The following GATAD1 variants were observed in gnomAD, a reference collection of about 807,000 sequenced individuals.
The protein encoded by GATAD1 is GATA zinc finger domain-containing protein 1.
A neutral mutation model predicts 26.5 loss-of-function variants in GATAD1; 12 were observed. That is an observed-to-expected ratio of 0.45 (90% CI 0.29 to 0.73). The LOEUF is 0.73. Ranked by LOEUF, GATAD1 falls within the 30% of genes least tolerant of loss-of-function variation. GATAD1 has a pLI of 0.10. For missense variants in GATAD1, 266 were observed against 342.1 expected (o/e 0.78, Z 1.75); for synonymous variants, 129 against 133.1 (o/e 0.97, Z 0.21).
In GATAD1 at chr7:92,457,134, G is replaced by A. The variant is rs1341851490; in HGVS notation, c.*572G>A. ...AGATTGCACCGCTGTGCTCCAGCCT[G>A]GGCAACAGAGTGAGACTCTTGTCTC... is the stretch of plus-strand genomic sequence containing the variant. On this transcript the variant is annotated 3_prime_UTR_variant, in exon 5 of 5. Coordinates refer to ENST00000287957, the MANE Select transcript of GATAD1 (RefSeq NM_021167.5). 6.7e-6 allele frequency: 1 copy of A among 149,570 alleles called. No individual in the cohort carries two copies. Among genetic ancestry groups the A allele is most frequent in the African/African-American group, 2.5e-5 (1 of 40,336 alleles). 9.3% of individuals were successfully genotyped at this position (149,570 alleles called of 1,614,324 possible).
intron 3 of GATAD1, among the ~76,000 whole-genome samples, chr7:92,452,950 CTATT>C (rs1789502644): frequency 6.6e-6 from 1 of 152,176 alleles, no homozygotes; most frequent in Non-Finnish European, 1.5e-5. Context: ...TAAATGCAAA[CTATT>C]TATATGATAA....
chr7:92,470,090 C>T, the GATAD1 span: 1 of 778,764 alleles, frequency 1.3e-6, no homozygotes. Context: ...CCAAGTCCTC[C>T]AGGACAACTA....
At chr7:92,494,006 T>G in the GATAD1 span, 1 of 357,560 alleles carries the variant, frequency 2.8e-6, no homozygotes, top group East Asian at 6.5e-5. Context: ...TATGTAATCT[T>G]TGAACAGAAG....
At chr7:92,469,470 A>G in the GATAD1 span, 2 of 730,760 alleles carry the variant, frequency 2.7e-6, no homozygotes, top group South Asian at 2.9e-5. Flanking sequence ...AACTGTATAA[A>G]TCTTGTTCAG....
chr7:92,459,661 C>A lies in GATAD1; in HGVS notation c.*3099C>A, dbSNP rs1453828292. 6.6e-6 allele frequency among the ~76,000 whole-genome samples: 1 copy of A among 152,190 alleles called. No individual in the cohort carries two copies. The highest frequency in any genetic ancestry group is 2.4e-5 in the African/African-American group (1 of 41,440). ...TTTGAGAACTTTCCAGATTCCCATG[C>A]CTTTTTGGAATCAATCTCTATCCTA... On this transcript the variant is annotated 3_prime_UTR_variant, in exon 5 of 5. Transcript: ENST00000287957.
At chr7:92,454,706 A>G in intron 4 of GATAD1, 21 bp downstream of exon 4, 1 of 1,536,338 alleles carries the variant, frequency 6.5e-7, no homozygotes, top group Non-Finnish European at 8.8e-7. Context: ...CAAATGGCAC[A>G]GGTTTTTTTT....
chr7:92,491,905 T>C, the GATAD1 span, among the ~76,000 whole-genome samples: 1 of 152,166 alleles, frequency 6.6e-6, no homozygotes, highest in Non-Finnish European at 1.5e-5. Flanking sequence ...AGGGAAGAAC[T>C]TCAATGGCTT....
chr7:92,493,732 G>C, the GATAD1 span: 1 of 153,926 alleles, frequency 6.5e-6, no homozygotes, highest in Non-Finnish European at 1.4e-5. Flanking sequence ...AGTGTGCCAA[G>C]AAGGTATTTC....
At chr7:92,450,582 C>G in intron 2 of GATAD1, 119 bp from the exon 3 acceptor site, 1 of 603,238 alleles carries the variant, frequency 1.7e-6, no homozygotes. Flanking sequence ...TATTGCAGTT[C>G]TTGTCACCAA....
chr7:92,476,925 A>G, the GATAD1 span, among the ~76,000 whole-genome samples: 91 of 152,254 alleles, frequency 6.0e-4, no homozygotes, highest in Non-Finnish European at 1.1e-3. Context: ...AGTCTGAACC[A>G]ATAGTACCTA....
the GATAD1 span, chr7:92,468,956 C>G: frequency 6.2e-5 from 47 of 763,556 alleles, no homozygotes; most frequent in South Asian, 6.3e-4. Flanking sequence ...CTGGAAGAGA[C>G]AAAGTTAACA....
the GATAD1 span, among the ~76,000 whole-genome samples, chr7:92,488,159 T>G: frequency 6.6e-6 from 1 of 152,210 alleles, no homozygotes; most frequent in South Asian, 2.1e-4. Context: ...AAAACAATTT[T>G]CAGGATGTAT....
chr7:92,447,676 C>T lies in GATAD1; in HGVS notation c.-54C>T. On this transcript the variant is annotated 5_prime_UTR_variant, in exon 1 of 5. Coordinates refer to ENST00000287957, the MANE Select transcript of GATAD1 (RefSeq NM_021167.5). The stretch of plus-strand genomic sequence containing the variant: ...GGCCGACCAGGGGGCGGCCGGGCTA[C>T]CGTCCGCCATTCCCGTGTCTCTGCG... 1 of 1,372,306 alleles carries T rather than the reference C, an allele frequency of 7.3e-7. No homozygotes were observed. Among genetic ancestry groups the T allele is most frequent in the Non-Finnish European group, 9.4e-7 (1 of 1,061,470 alleles). 85.0% of individuals were successfully genotyped at this position (1,372,306 alleles called of 1,614,324 possible). A position where few individuals can be genotyped will look rare whatever the true frequency, so the allele number is the denominator to read the frequency against.
chr7:92,469,370 C>T, the GATAD1 span: 3 of 768,116 alleles, frequency 3.9e-6, no homozygotes, highest in Non-Finnish European at 7.2e-6. Context: ...GTGATACCGC[C>T]AATGCCAGTA....
At chr7:92,470,072 C>G in the GATAD1 span, 1 of 778,812 alleles carries the variant, frequency 1.3e-6, no homozygotes, top group African/African-American at 1.7e-5. Context: ...GTCCAACAGA[C>G]AGTGACTCCA....
the GATAD1 span, chr7:92,493,122 C>T: frequency 6.9e-6 from 11 of 1,589,650 alleles, no homozygotes; most frequent in Non-Finnish European, 5.2e-6. Flanking sequence ...AATTTCAAGA[C>T]GTGACACCTG....
the GATAD1 span, chr7:92,491,346 T>C: frequency 6.2e-7 from 1 of 1,613,992 alleles, no homozygotes; most frequent in South Asian, 1.1e-5. Flanking sequence ...ATATTGAATT[T>C]TGATTCATCT....
downstream of GATAD1, among the ~76,000 whole-genome samples, chr7:92,464,569 T>C (rs1263544577): frequency 1.3e-5 from 2 of 152,182 alleles, no homozygotes; most frequent in African/African-American, 2.4e-5. Flanking sequence ...TCTGCACAAA[T>C]ATCCGAAGCC....
At chr7:92,461,518 G>A (rs1190494472), downstream of GATAD1, 1 of 152,148 alleles carries the variant, frequency 6.6e-6, no homozygotes, top group Non-Finnish European at 1.5e-5. Context: ...GAGAAGGCAA[G>A]GAACTACTGT....
Sources: allele counts gnomAD v4.1 joint callset (sites outside exome capture counted in the v4.1 genomes callset), GRCh38; gene constraint gnomAD v4.1.1; transcripts MANE v1.5; gene names NCBI Gene and HGNC (gene_info 2026-07-23, HGNC 2026-07-21).